FSIP1: variants seen among roughly 807,000 people sequenced by gnomAD.
FSIP1 encodes the protein fibrous sheath-interacting protein 1.
A neutral mutation model predicts 60.9 loss-of-function variants in FSIP1; 65 were observed. The observed-to-expected ratio is 1.07, with a 90% CI of 0.87 to 1.31. FSIP1 has a LOEUF of 1.31. Ranked by LOEUF, FSIP1 falls within the 40% of genes most tolerant of loss-of-function variation. The probability of loss-of-function intolerance (pLI) is 0.00; values close to 1 mark genes in which losing one functional copy is unlikely to be tolerated. For missense variants in FSIP1, 675 were observed against 665.5 expected, an observed-to-expected ratio of 1.01 and a Z score of -0.16; for synonymous variants, 209 against 221.2, an observed-to-expected ratio of 0.94 and a Z score of 0.49.
chr15:39,776,499 T>C lies in FSIP1; in HGVS notation c.26A>G (p.Asp9Gly), dbSNP rs369384375. 175 of 1,612,306 alleles carry C rather than the reference T, an allele frequency of 1.1e-4. No individual in the cohort carries two copies. Among genetic ancestry groups the C allele is most frequent in the Non-Finnish European group, 1.4e-4 (167 of 1,178,586 alleles). MDIIKGNL[D>G]GISKPASNSR... ...ATTTGAAGCTGGTTTTGAAATTCCA[T>C]CTAGGTTTCCCTTTATAATATCCAT... is the stretch of plus-strand genomic sequence containing the variant. Residue 9 changes from aspartate (D) to glycine (G), a missense_variant, in exon 2 of 12, where the codon GAT becomes GGT. By Grantham distance (94) the Asp-to-Gly change is moderately conservative (BLOSUM62 -1). Coordinates refer to ENST00000350221, the MANE Select transcript of FSIP1 (RefSeq NM_152597.5).
At chr15:39,620,570 T>C (rs932179707) in intron 10 of FSIP1, among the ~76,000 whole-genome samples, 1 of 151,702 alleles carries the variant, frequency 6.6e-6, no homozygotes, top group Non-Finnish European at 1.5e-5. Flanking sequence ...TAAAATTAAA[T>C]ATAAAAATAA....
intron 4 of FSIP1, 119 bp downstream of exon 4, chr15:39,765,473 G>A: frequency 3.1e-6 from 2 of 650,750 alleles, no homozygotes; most frequent in Non-Finnish European, 4.9e-6. Flanking sequence ...CAAACTCCTG[G>A]CCTCAAGCAA....
chr15:39,683,593 A>C (rs1894250014), intron 10 of FSIP1, among the ~76,000 whole-genome samples: 1 of 152,202 alleles, frequency 6.6e-6, no homozygotes, highest in Admixed American at 6.5e-5. Flanking sequence ...AAACTCAAGG[A>C]AAAGAAATAA....
intron 11 of FSIP1, among the ~76,000 whole-genome samples, chr15:39,602,663 G>C (rs528946688): frequency 6.6e-6 from 1 of 152,140 alleles, no homozygotes; most frequent in East Asian, 1.9e-4. Flanking sequence ...CCATGCATGA[G>C]GTGGGAGATG....
intron 6 of FSIP1, 121 bp from the exon 7 acceptor site, chr15:39,739,910 A>G (rs1162741425): frequency 7.1e-6 from 4 of 565,632 alleles, no homozygotes; most frequent in Non-Finnish European, 1.2e-5. Context: ...ACTAACTTCT[A>G]CATTCCAGAT....
intron 10 of FSIP1, among the ~76,000 whole-genome samples, chr15:39,648,439 G>T (rs1051213082): frequency 6.6e-6 from 1 of 152,184 alleles, no homozygotes; most frequent in Non-Finnish European, 1.5e-5. Context: ...CTTAGAAGGT[G>T]AGACATACGC....
intron 10 of FSIP1, among the ~76,000 whole-genome samples, chr15:39,707,983 T>C (rs977006729): frequency 1.3e-5 from 2 of 152,222 alleles, no homozygotes; most frequent in African/African-American, 4.8e-5. Context: ...TGGTTTGAAG[T>C]ACCAGAGACA....
chr15:39,610,537 G>C (rs146925510), intron 11 of FSIP1, among the ~76,000 whole-genome samples: 5 of 152,154 alleles, frequency 3.3e-5, no homozygotes, highest in African/African-American at 4.8e-5. Flanking sequence ...ATGGTGGTGC[G>C]TGCCTGCAGT....
At chr15:39,624,853 A>T (rs1262396110) in intron 10 of FSIP1, among the ~76,000 whole-genome samples, 1 of 152,174 alleles carries the variant, frequency 6.6e-6, no homozygotes, top group African/African-American at 2.4e-5. Context: ...AGCAAATATC[A>T]TTGCCAGAGA....
At chr15:39,611,895 A>G (rs1292508359) in intron 11 of FSIP1, among the ~76,000 whole-genome samples, 3 of 152,222 alleles carry the variant, frequency 2.0e-5, no homozygotes, top group Non-Finnish European at 4.4e-5. Context: ...AATAGACTTT[A>G]AGTCAAAAGC....
chr15:39,751,709 A>C (rs1207240533), intron 5 of FSIP1, among the ~76,000 whole-genome samples: 4 of 151,954 alleles, frequency 2.6e-5, no homozygotes, highest in African/African-American at 9.7e-5. Context: ...AATAGCAGAT[A>C]TGTAGGACTA....
At chr15:39,770,943 G>A (rs538800217) in intron 2 of FSIP1, among the ~76,000 whole-genome samples, 74 of 152,330 alleles carry the variant, frequency 4.9e-4, no homozygotes, top group Admixed American at 2.9e-3. Context: ...GCAGTCAAAG[G>A]TCTAATACGA....
intron 5 of FSIP1, among the ~76,000 whole-genome samples, chr15:39,759,265 T>C (rs1897408633): frequency 1.3e-5 from 2 of 152,062 alleles, no homozygotes; most frequent in African/African-American, 4.8e-5. Flanking sequence ...AAAAAGTCTT[T>C]CAAATCAATA....
At chr15:39,631,794 G>C (rs1011934593) in intron 10 of FSIP1, among the ~76,000 whole-genome samples, 3 of 152,140 alleles carry the variant, frequency 2.0e-5, no homozygotes, top group African/African-American at 7.2e-5. Context: ...TATATTAATA[G>C]AAAGCCTCAC....
chr15:39,664,413 T>C (rs1054441607), intron 10 of FSIP1, among the ~76,000 whole-genome samples: 1 of 152,156 alleles, frequency 6.6e-6, no homozygotes, highest in Non-Finnish European at 1.5e-5. Flanking sequence ...AATCCATCCA[T>C]TCATCATATT....
At chr15:39,716,737 T>C (rs1895752722) in intron 9 of FSIP1, among the ~76,000 whole-genome samples, 1 of 150,654 alleles carries the variant, frequency 6.6e-6, no homozygotes, top group Non-Finnish European at 1.5e-5. Flanking sequence ...TGGAAATGTG[T>C]GAAACAACAG....
chr15:39,634,041 C>T (rs539593003), intron 10 of FSIP1, among the ~76,000 whole-genome samples: 19 of 152,258 alleles, frequency 1.2e-4, no homozygotes, highest in African/African-American at 4.1e-4. Flanking sequence ...TGTCACTAAA[C>T]GGACTCCCTG....
At chr15:39,640,466 C>T (rs1892315779) in intron 10 of FSIP1, among the ~76,000 whole-genome samples, 1 of 152,190 alleles carries the variant, frequency 6.6e-6, no homozygotes, top group South Asian at 2.1e-4. Flanking sequence ...AAGCCTTACA[C>T]ATGAACCATC....
At position 39,612,375 on chromosome 15, in the gene FSIP1, T is replaced by G. The variant is rs572571632; in HGVS notation, c.1699+5360A>C. The stretch of plus-strand genomic sequence containing the variant: ...GGTGAATTCACAAATATGTGGAAAT[T>G]AAACAACATGCTCCTAAACAAACAA... On this transcript the variant is annotated intron_variant, in intron 11 of 11. Transcript: ENST00000350221. 3.3e-5 allele frequency among the ~76,000 whole-genome samples: 5 copies of G among 152,142 alleles called. 1 individual carries two copies. In the East Asian group the frequency reaches 9.6e-4, roughly 29 times the overall value.
Sources: allele counts gnomAD v4.1 joint callset (sites outside exome capture counted in the v4.1 genomes callset), GRCh38; gene constraint gnomAD v4.1.1; transcripts MANE v1.5; gene names NCBI Gene and HGNC (gene_info 2026-07-23, HGNC 2026-07-21).